The following MYO3B variants were observed in gnomAD, a reference collection of about 807,000 sequenced individuals.
MYO3B encodes the protein myosin-IIIb.
A neutral mutation model predicts 174.6 loss-of-function variants in MYO3B; 156 were observed. The ratio of observed to expected loss-of-function variants is 0.89; its 90% CI spans 0.78 to 1.02. MYO3B has a LOEUF of 1.02. Ranked by LOEUF, MYO3B falls within the 50% of genes least tolerant of loss-of-function variation. The pLI is 0.00. For synonymous variants in MYO3B, 563 were observed against 569.1 expected (o/e 0.99, Z 0.15); for missense variants, 1,632 against 1,639.4 (o/e 1.00, Z 0.08).
intron 6 of MYO3B, among the ~76,000 whole-genome samples, chr2:170,227,142 A>C (rs573731998): frequency 6.6e-6 from 1 of 152,236 alleles, no homozygotes; most frequent in African/African-American, 2.4e-5. Flanking sequence ...CTGAGCCACC[A>C]TGAGAGCAAA....
At chr2:170,491,358 T>A (rs1428097170) in intron 25 of MYO3B, among the ~76,000 whole-genome samples, 1 of 152,196 alleles carries the variant, frequency 6.6e-6, no homozygotes, top group Non-Finnish European at 1.5e-5. Flanking sequence ...CTTTCTGTTG[T>A]TGATTTCTAA....
At chr2:170,587,170 AATG>A (rs546909879) in intron 32 of MYO3B, among the ~76,000 whole-genome samples, 132 of 152,352 alleles carry the variant, frequency 8.7e-4, no homozygotes, top group Middle Eastern at 6.8e-3. Flanking sequence ...AATTTTAGAT[AATG>A]ATAATACTGA....
At chr2:170,524,797 T>G (rs1688903658) in intron 30 of MYO3B, among the ~76,000 whole-genome samples, 1 of 152,090 alleles carries the variant, frequency 6.6e-6, no homozygotes, top group South Asian at 2.1e-4. Flanking sequence ...TGCTGAGGGT[T>G]TTACACGCAT....
chr2:170,337,130 A>C (rs898598815), intron 8 of MYO3B, among the ~76,000 whole-genome samples: 9 of 151,980 alleles, frequency 5.9e-5, no homozygotes, highest in African/African-American at 2.2e-4. Flanking sequence ...AGGAGGGATG[A>C]TGCTCACATA....
intron 32 of MYO3B, among the ~76,000 whole-genome samples, chr2:170,648,986 T>C (rs1698653620): frequency 1.0e-5 from 1 of 96,446 alleles, no homozygotes; most frequent in Non-Finnish European, 1.8e-5. Flanking sequence ...AAATAATATA[T>C]AATGTATAAT....
chr2:170,653,333 G>T lies in MYO3B; in HGVS notation c.*212G>T, dbSNP rs1699126210. 3.4e-6 allele frequency: 2 copies of T among 580,158 alleles called. No homozygotes were observed. Among genetic ancestry groups the T allele is most frequent in the South Asian group, 5.0e-5 (2 of 39,628 alleles). 35.9% of individuals were successfully genotyped at this position (580,158 alleles called of 1,614,324 possible). ...TGTTGTGCAGCCTGAGCTGGGCGCT[G>T]CCTTCCTTTCTCATCCCATGGGGCC... On this transcript the variant is annotated 3_prime_UTR_variant, in exon 35 of 35. Transcript: ENST00000408978.
intron 32 of MYO3B, among the ~76,000 whole-genome samples, chr2:170,557,725 G>A (rs1423679470): frequency 6.6e-6 from 1 of 152,068 alleles, no homozygotes; most frequent in African/African-American, 2.4e-5. Flanking sequence ...GTGTTGATAG[G>A]GGTGAGCACA....
chr2:170,592,648 C>T (rs952921633), intron 32 of MYO3B, among the ~76,000 whole-genome samples: 2 of 152,132 alleles, frequency 1.3e-5, no homozygotes, highest in Admixed American at 6.5e-5. Context: ...TCATCTGTCC[C>T]CTTCACTGAC....
chr2:170,203,693 T>C (rs2092688030), intron 3 of MYO3B, among the ~76,000 whole-genome samples: 1 of 152,206 alleles, frequency 6.6e-6, no homozygotes, highest in South Asian at 2.1e-4. Flanking sequence ...GGTTAACAAA[T>C]CAGGGTCTTA....
At chr2:170,551,349 A>ATTTATT (rs1553520401) in intron 32 of MYO3B, among the ~76,000 whole-genome samples, 39 of 142,326 alleles carry the variant, frequency 2.7e-4, no homozygotes, top group African/African-American at 9.0e-4. Flanking sequence ...ATTTAATTTA[A>ATTTATT]TTATTTATTT....
intron 32 of MYO3B, among the ~76,000 whole-genome samples, chr2:170,587,601 A>G (rs1028293992): frequency 4.6e-5 from 7 of 152,224 alleles, no homozygotes; most frequent in Admixed American, 6.5e-5. Context: ...AATGAGACTC[A>G]CAAAAATGCA....
chr2:170,545,827 C>A (rs915230028), intron 32 of MYO3B, among the ~76,000 whole-genome samples: 2 of 152,122 alleles, frequency 1.3e-5, no homozygotes, highest in Non-Finnish European at 2.9e-5. Flanking sequence ...ATTTTTCCTG[C>A]CTCCATTCTT....
intron 8 of MYO3B, among the ~76,000 whole-genome samples, chr2:170,366,853 G>A (rs1369540968): frequency 6.6e-6 from 1 of 152,224 alleles, no homozygotes; most frequent in South Asian, 2.1e-4. Context: ...ACCTTTAATT[G>A]TGGTCCCTAG....
rs1056225885 is a variant in MYO3B, at chr2:170,387,691, A to T, written c.1577+383A>T. ...TTTTTCCTTAGATTGAGACAGATAG[A>T]GAAAACAATTATTCTGTTTTTAGGG... On this transcript the variant is annotated intron_variant, in intron 14 of 34. Transcript: ENST00000408978. 9.2e-5 allele frequency among the ~76,000 whole-genome samples: 14 copies of T among 152,310 alleles called. No homozygotes were observed. The East Asian group carries it at 1.2e-3, about 13-fold the overall frequency.
At chr2:170,649,183 AAAT>A (rs1290415400) in intron 32 of MYO3B, among the ~76,000 whole-genome samples, 1 of 68,216 alleles carries the variant, frequency 1.5e-5, no homozygotes, top group Non-Finnish European at 2.4e-5. Flanking sequence ...ATTATATATA[AAAT>A]AATATATATT....
At chr2:170,620,799 TTTTC>T (rs1198185134) in intron 32 of MYO3B, among the ~76,000 whole-genome samples, 1 of 152,194 alleles carries the variant, frequency 6.6e-6, no homozygotes, top group East Asian at 1.9e-4. Flanking sequence ...GAGGGAGACA[TTTTC>T]TTTATTATCC....
At chr2:170,577,941 G>A (rs994219533) in intron 32 of MYO3B, among the ~76,000 whole-genome samples, 2 of 152,170 alleles carry the variant, frequency 1.3e-5, no homozygotes, top group African/African-American at 4.8e-5. Flanking sequence ...AAGTGTTCTA[G>A]AACTGGAGGG....
chr2:170,363,139 T>A (rs13002299), intron 8 of MYO3B, among the ~76,000 whole-genome samples: 1 of 151,792 alleles, frequency 6.6e-6, no homozygotes, highest in African/African-American at 2.4e-5. Context: ...TCTGTAGCAA[T>A]GGGAACACAT....
At chr2:170,636,957 C>CGCGT (rs1553546021) in intron 32 of MYO3B, among the ~76,000 whole-genome samples, 8 of 146,578 alleles carry the variant, frequency 5.5e-5, no homozygotes, top group Non-Finnish European at 1.0e-4. Context: ...TGCTTTTGTG[C>CGCGT]GTGTGTGTGT....
Sources: gnomAD v4.1 joint callset for allele counts (sites outside exome capture counted in the v4.1 genomes callset) on GRCh38, gnomAD v4.1.1 for gene constraint, MANE v1.5 for transcripts, NCBI Gene and HGNC (gene_info 2026-07-23, HGNC 2026-07-21) for gene names.